The following CTNNA2 variants were observed in gnomAD, a reference collection of about 807,000 sequenced individuals.
CTNNA2 encodes catenin alpha 2.
In CTNNA2, 42 loss-of-function variants were observed where a neutral mutation model predicts 101.0. The observed-to-expected ratio is 0.42, with a 90% CI of 0.32 to 0.54. CTNNA2 has a LOEUF of 0.54. Ranked by LOEUF, CTNNA2 falls within the 20% of genes least tolerant of loss-of-function variation. The probability of loss-of-function intolerance (pLI) is 0.14; values close to 1 mark genes in which losing one functional copy is unlikely to be tolerated. For missense variants in CTNNA2, 871 were observed against 1,223.1 expected, an observed-to-expected ratio of 0.71 and a Z score of 4.29; for synonymous variants, 450 against 456.4, an observed-to-expected ratio of 0.99 and a Z score of 0.18.
At chr2:80,359,752 A>T (rs1159224900) in intron 7 of CTNNA2, among the ~76,000 whole-genome samples, 1 of 152,134 alleles carries the variant, frequency 6.6e-6, no homozygotes, top group African/African-American at 2.4e-5. Context: ...TCTTTAGAGC[A>T]GTGTAAGAAT....
In CTNNA2 at chr2:79,527,804, T is replaced by C. The variant is rs1196426185; in HGVS notation, c.-6+14597T>C. Among the ~76,000 whole-genome samples the C allele has an allele frequency of 2.0e-5, 3 of 152,300 alleles. No homozygotes were observed. The East Asian group carries it at 5.8e-4, about 29-fold the overall frequency. ...AAATTTCCTTATGACCCAACAATTCTATTCTTAGATGTGTATTAAGGAGCT... is the reference window on the plus strand; with the variant it reads ...AAATTTCCTTATGACCCAACAATTCCATTCTTAGATGTGTATTAAGGAGCT... On this transcript the variant is annotated intron_variant, in intron 1 of 18. Coordinates refer to ENST00000402739, the MANE Select transcript of CTNNA2 (RefSeq NM_001282597.3).
At chr2:80,296,621 G>A (rs543885809) in intron 7 of CTNNA2, among the ~76,000 whole-genome samples, 120 of 152,306 alleles carry the variant, frequency 7.9e-4, no homozygotes, top group East Asian at 9.7e-4. Flanking sequence ...TAACTCAGAA[G>A]TAAGACCATT....
At chr2:79,810,191 T>C (rs1574025773) in intron 3 of CTNNA2, among the ~76,000 whole-genome samples, 1 of 152,102 alleles carries the variant, frequency 6.6e-6, no homozygotes, top group South Asian at 2.1e-4. Flanking sequence ...TGAGACTGGG[T>C]AATTTATTAA....
chr2:80,604,213 G>C, intron 16 of CTNNA2, 34 bp downstream of exon 16: 1 of 1,549,156 alleles, frequency 6.5e-7, no homozygotes, highest in Non-Finnish European at 8.9e-7. Flanking sequence ...CACATGCTGA[G>C]TGGAGTCACT....
chr2:80,369,928 T>C (rs1559051255), intron 7 of CTNNA2, among the ~76,000 whole-genome samples: 3 of 152,154 alleles, frequency 2.0e-5, no homozygotes, highest in African/African-American at 7.2e-5. Context: ...TTGATTTCAA[T>C]GCTATAGGAT....
intron 9 of CTNNA2, among the ~76,000 whole-genome samples, chr2:80,425,611 A>T (rs576190203): frequency 2.0e-5 from 3 of 152,306 alleles, no homozygotes; most frequent in African/African-American, 7.2e-5. Flanking sequence ...TAAATATGTG[A>T]AATAATCAAT....
chr2:79,302,653 T>C (rs1391079773), intron 2 of CTNNA2, among the ~76,000 whole-genome samples: 2 of 152,186 alleles, frequency 1.3e-5, no homozygotes, highest in Non-Finnish European at 2.9e-5. Flanking sequence ...GAAAGTACCC[T>C]TTCAAGTACC....
intron 1 of CTNNA2, among the ~76,000 whole-genome samples, chr2:79,641,843 C>T (rs1295626093): frequency 6.6e-6 from 1 of 152,092 alleles, no homozygotes; most frequent in Non-Finnish European, 1.5e-5. Flanking sequence ...TTAGCATACT[C>T]CAGGAGTGGT....
chr2:79,884,381 A>G (rs1197044012), intron 6 of CTNNA2, among the ~76,000 whole-genome samples: 1 of 151,990 alleles, frequency 6.6e-6, no homozygotes, highest in Non-Finnish European at 1.5e-5. Flanking sequence ...ACAATCCACA[A>G]TCCTCTATGC....
intron 7 of CTNNA2, among the ~76,000 whole-genome samples, chr2:80,211,067 G>T (rs2149035308): frequency 6.6e-6 from 1 of 152,116 alleles, no homozygotes; most frequent in South Asian, 2.1e-4. Flanking sequence ...GGGGTTGTTT[G>T]ATTTTTTCTT....
rs552588463 is a variant in CTNNA2 at position 80,134,633 on chromosome 2, G to A, written c.1056+224836G>A. On this transcript the variant is annotated intron_variant, in intron 7 of 18. Transcript: ENST00000402739. Reference sequence around the variant, plus strand: ...GGTGCCTGCGCCATGCCATTCATGAGGCCAGCTTTGTCTCTTCAGCATCTC... The same window carrying A: ...GGTGCCTGCGCCATGCCATTCATGAAGCCAGCTTTGTCTCTTCAGCATCTC... Among the ~76,000 whole-genome samples, 14 of 152,244 alleles carry A rather than the reference G, an allele frequency of 9.2e-5. No individual in the cohort carries two copies. In the South Asian group the frequency reaches 2.9e-3, roughly 32 times the overall value.
intron 18 of CTNNA2, among the ~76,000 whole-genome samples, chr2:80,645,780 G>A (rs1407493043): frequency 1.3e-5 from 2 of 152,094 alleles, no homozygotes; most frequent in East Asian, 1.9e-4. Context: ...GAAAGAGTAT[G>A]GGGTTCAGCA....
At chr2:79,853,999 T>C (rs1051182401) in intron 3 of CTNNA2, among the ~76,000 whole-genome samples, 3 of 152,202 alleles carry the variant, frequency 2.0e-5, no homozygotes, top group African/African-American at 7.2e-5. Flanking sequence ...TTATTATTAC[T>C]GGCATGCATC....
chr2:80,452,050 G>A (rs1227321991), intron 9 of CTNNA2, among the ~76,000 whole-genome samples: 1 of 152,096 alleles, frequency 6.6e-6, no homozygotes, highest in Non-Finnish European at 1.5e-5. Context: ...CAATATTTAA[G>A]CTATATTTGG....
intron 7 of CTNNA2, among the ~76,000 whole-genome samples, chr2:80,022,824 A>G (rs1210217076): frequency 6.6e-6 from 1 of 152,220 alleles, no homozygotes; most frequent in African/African-American, 2.4e-5. Flanking sequence ...GATCACTCGT[A>G]TGGCAGGCCT....
chr2:79,905,546 G>C (rs1343337934), intron 6 of CTNNA2, among the ~76,000 whole-genome samples: 4 of 152,182 alleles, frequency 2.6e-5, no homozygotes, highest in Admixed American at 2.0e-4. Flanking sequence ...CTTTGGTGTT[G>C]GTGTGCTGCC....
chr2:79,289,617 C>T (rs977427671), intron 2 of CTNNA2, among the ~76,000 whole-genome samples: 8 of 152,038 alleles, frequency 5.3e-5, no homozygotes, highest in African/African-American at 7.2e-5. Flanking sequence ...TAGTGATGTG[C>T]GCCTGTAATC....
intron 7 of CTNNA2, among the ~76,000 whole-genome samples, chr2:79,965,161 A>G (rs1237631591): frequency 6.6e-6 from 1 of 152,184 alleles, no homozygotes; most frequent in African/African-American, 2.4e-5. Context: ...TGTAAGTGAC[A>G]AGCACTCCCT....
At chr2:79,688,561 C>CA (rs1033860070) in intron 2 of CTNNA2, among the ~76,000 whole-genome samples, 1 of 151,624 alleles carries the variant, frequency 6.6e-6, no homozygotes, top group Non-Finnish European at 1.5e-5. Flanking sequence ...ATATCTGCTC[C>CA]AAAAAAAGAG....
Sources: allele counts gnomAD v4.1 joint callset (sites outside exome capture counted in the v4.1 genomes callset), GRCh38; gene constraint gnomAD v4.1.1; transcripts MANE v1.5; gene names NCBI Gene and HGNC (gene_info 2026-07-23, HGNC 2026-07-21).